Variants in ANK1 observed in about 807,000 individuals in gnomAD.
The protein encoded by ANK1 is ankyrin-1.
In ANK1, 51 loss-of-function variants were observed where a neutral mutation model predicts 210.4. The ratio of observed to expected loss-of-function variants is 0.24; its 90% CI spans 0.19 to 0.31. The LOEUF (loss-of-function observed/expected upper bound fraction) is 0.31, where lower values mean the gene tolerates loss of function less well. Among genes scored for constraint, ANK1 ranks in the 10% least tolerant of loss-of-function variants. ANK1 has a pLI of 1.00. For missense variants in ANK1, 2,051 were observed against 2,504.4 expected, an observed-to-expected ratio of 0.82 and a Z score of 3.86; for synonymous variants, 967 against 1,025.9, an observed-to-expected ratio of 0.94 and a Z score of 1.10.
At chr8:41,723,499 T>A (rs1563566683) in intron 8 of ANK1, 36 bp downstream of exon 8, 4 of 1,601,896 alleles carry the variant, frequency 2.5e-6, no homozygotes, top group Non-Finnish European at 3.4e-6. Flanking sequence ...GGGACCTCCC[T>A]CCCCCTGCCT....
intron 1 of ANK1, among the ~76,000 whole-genome samples, chr8:41,803,041 GAGAA>G (rs1375107480): frequency 2.3e-4 from 13 of 56,266 alleles, no homozygotes; most frequent in East Asian, 1.9e-3. Context: ...AAGAAAGAAA[GAGAA>G]AGAAAGAAAG....
chr8:41,703,433 TATATATATATATATATA>T (rs1459101550), intron 20 of ANK1, among the ~76,000 whole-genome samples: 1 of 68,394 alleles, frequency 1.5e-5, no homozygotes, highest in East Asian at 4.1e-4. Flanking sequence ...TATATATATA[TATATATATATATATATA>T]TTTTTTTTTT....
chr8:41,791,827 GCTC>G, intron 1 of ANK1, among the ~76,000 whole-genome samples: 1 of 152,152 alleles, frequency 6.6e-6, no homozygotes, highest in Non-Finnish European at 1.5e-5. Flanking sequence ...GGCCACAGAG[GCTC>G]CCCGCTGCCT....
At chr8:41,765,483 G>A (rs569451) in intron 1 of ANK1, among the ~76,000 whole-genome samples, 44,230 of 151,896 alleles carry the variant, frequency 0.29, 7,179 homozygotes, top group East Asian at 0.65. Flanking sequence ...CTGGCCTCAA[G>A]CAATCTTCCC....
intron 10 of ANK1, among the ~76,000 whole-genome samples, chr8:41,718,721 G>T (rs1371490185): frequency 3.3e-5 from 5 of 152,176 alleles, no homozygotes; most frequent in African/African-American, 1.2e-4. Context: ...TCAAACACGG[G>T]AGGTGGTGGT....
At chr8:41,718,729 G>C (rs1048149256) in intron 10 of ANK1, among the ~76,000 whole-genome samples, 4 of 152,042 alleles carry the variant, frequency 2.6e-5, no homozygotes, top group African/African-American at 4.8e-5. Flanking sequence ...GGGAGGTGGT[G>C]GTGGGGGGGT....
chr8:41,716,015 C>T (rs968638845), intron 13 of ANK1, among the ~76,000 whole-genome samples, 166 bp from the exon 14 acceptor site: 1 of 152,222 alleles, frequency 6.6e-6, no homozygotes, highest in Non-Finnish European at 1.5e-5. Flanking sequence ...CTCTGAGTTA[C>T]AGGAACCAAT....
At chr8:41,889,848 G>T (rs1819092156) in intron 1 of ANK1, among the ~76,000 whole-genome samples, 1 of 152,234 alleles carries the variant, frequency 6.6e-6, no homozygotes. Flanking sequence ...AAGCTTGCAA[G>T]TATCTAAGCC....
In ANK1 at chr8:41,888,903, CT is replaced by C. The variant is rs537611916; in HGVS notation, c.126+7451del. Among the ~76,000 whole-genome samples, 7 of 152,382 alleles carry C rather than the reference CT, an allele frequency of 4.6e-5. No individual in the cohort carries two copies. The South Asian group carries it at 1.0e-3, about 23-fold the overall frequency. ...TCCCACTGGAACCGGAGGCCACAGG[CT>C]TTGCCCTAAGCTCTCCATCCTCTGC... On this transcript the variant is annotated intron_variant, in intron 1 of 42. Coordinates refer to the ANK1 transcript ENST00000265709.
At chr8:41,818,587 C>T (rs1803688601) in intron 1 of ANK1, among the ~76,000 whole-genome samples, 1 of 151,952 alleles carries the variant, frequency 6.6e-6, no homozygotes, top group Admixed American at 6.6e-5. Context: ...TTCTTTCTTT[C>T]TTTCTTTCTT....
intron 1 of ANK1, among the ~76,000 whole-genome samples, chr8:41,765,962 G>A (rs559976767): frequency 2.6e-5 from 4 of 152,064 alleles, no homozygotes; most frequent in Non-Finnish European, 4.4e-5. Flanking sequence ...GGGTTGGGGT[G>A]GCCTAAGTTT....
At chr8:41,791,986 A>G (rs112559526) in intron 1 of ANK1, among the ~76,000 whole-genome samples, 2,762 of 152,218 alleles carry the variant, frequency 0.018, 30 homozygotes, top group African/African-American at 0.025. Flanking sequence ...TGCACAGGCA[A>G]CACACCCTGT....
At chr8:41,714,808 T>C (rs1045323231) in intron 15 of ANK1, among the ~76,000 whole-genome samples, 168 bp downstream of exon 15, 9 of 151,882 alleles carry the variant, frequency 5.9e-5, no homozygotes, top group Non-Finnish European at 1.0e-4. Flanking sequence ...TGTAGTGAGT[T>C]GTGATGGCAC....
chr8:41,862,800 AG>A (rs1234584144), intron 1 of ANK1, among the ~76,000 whole-genome samples: 1 of 151,298 alleles, frequency 6.6e-6, no homozygotes, highest in East Asian at 2.0e-4. Context: ...ACTTGAGGCC[AG>A]GAGTTCAGGA....
At chr8:41,726,020 C>T in intron 5 of ANK1, 74 bp from the exon 6 acceptor site, 1 of 1,532,308 alleles carries the variant, frequency 6.5e-7, no homozygotes, top group South Asian at 1.2e-5. Context: ...CACACCCTTG[C>T]CCCTCGGGCT....
chr8:41,691,755 A>G (rs1196610029), intron 31 of ANK1, among the ~76,000 whole-genome samples: 1 of 152,238 alleles, frequency 6.6e-6, no homozygotes, highest in Non-Finnish European at 1.5e-5. Flanking sequence ...ACCATTGGCA[A>G]GTTACTTAAC....
intron 39 of ANK1, among the ~76,000 whole-genome samples, chr8:41,667,045 G>A (rs1430465110): frequency 6.6e-6 from 1 of 152,232 alleles, no homozygotes; most frequent in Non-Finnish European, 1.5e-5. Context: ...AGGGATTCAG[G>A]AGAAGAGACC....
chr8:41,678,968 T>C (rs1335601973), intron 37 of ANK1, among the ~76,000 whole-genome samples: 2 of 152,136 alleles, frequency 1.3e-5, no homozygotes, highest in African/African-American at 4.8e-5. Context: ...GTATTTTTAG[T>C]AGAGACAGGG....
chr8:41,739,309 A>G (rs546715925), intron 2 of ANK1, among the ~76,000 whole-genome samples: 1 of 151,996 alleles, frequency 6.6e-6, no homozygotes, highest in Non-Finnish European at 1.5e-5. Context: ...TCAGCATTTC[A>G]TTGAACTTTT....
Sources: gnomAD v4.1 joint callset for allele counts (sites outside exome capture counted in the v4.1 genomes callset) on GRCh38, gnomAD v4.1.1 for gene constraint, MANE v1.5 for transcripts, NCBI Gene and HGNC (gene_info 2026-07-23, HGNC 2026-07-21) for gene names.